Variants in BRAF observed in about 807,000 individuals in gnomAD.
BRAF encodes the protein serine/threonine-protein kinase B-raf.
A neutral mutation model predicts 104.6 loss-of-function variants in BRAF; 16 were observed. That is an observed-to-expected ratio of 0.15 (90% CI 0.10 to 0.23). BRAF has a LOEUF of 0.23. Ranked by LOEUF, BRAF falls within the 10% of genes least tolerant of loss-of-function variation. The pLI is 1.00. For synonymous variants in BRAF, 310 were observed against 341.6 expected (o/e 0.91, Z 1.02); for missense variants, 541 against 937.3 (o/e 0.58, Z 5.52).
chr7:140,899,615 T>C (rs1000765679), intron 1 of BRAF, among the ~76,000 whole-genome samples: 1 of 152,238 alleles, frequency 6.6e-6, no homozygotes, highest in Non-Finnish European at 1.5e-5. Context: ...GGTCATTTCA[T>C]ATGTTTATTA....
chr7:140,751,546 C>T (rs1474304012), intron 16 of BRAF, among the ~76,000 whole-genome samples: 5 of 151,756 alleles, frequency 3.3e-5, no homozygotes, highest in Non-Finnish European at 7.4e-5. Context: ...CTCCAGTCAC[C>T]GAATCTTAGA....
intron 15 of BRAF, chr7:140,753,787 G>A (rs1011701594): frequency 1.9e-5 from 6 of 309,720 alleles, no homozygotes; most frequent in African/African-American, 1.3e-4. Flanking sequence ...TGCACTTAGG[G>A]AAGAGAAATA....
chr7:140,739,285 A>G (rs937767095), intron 18 of BRAF, among the ~76,000 whole-genome samples: 9 of 152,310 alleles, frequency 5.9e-5, no homozygotes, highest in African/African-American at 2.2e-4. Flanking sequence ...GATGTGAGAT[A>G]TTGCAATGTG....
At chr7:140,826,845 T>C (rs1023771913) in intron 3 of BRAF, among the ~76,000 whole-genome samples, 4 of 152,206 alleles carry the variant, frequency 2.6e-5, no homozygotes, top group African/African-American at 9.7e-5. Context: ...CAATATGTAG[T>C]ATTCAATCAA....
intron 17 of BRAF, among the ~76,000 whole-genome samples, chr7:140,746,493 G>A (rs1163067944): frequency 6.6e-6 from 1 of 152,028 alleles, no homozygotes; most frequent in East Asian, 1.9e-4. Flanking sequence ...TTTTGAAGCT[G>A]GAAGAAATTC....
chr7:140,845,313 A>G (rs956135234), intron 2 of BRAF, among the ~76,000 whole-genome samples: 9 of 152,194 alleles, frequency 5.9e-5, no homozygotes, highest in Non-Finnish European at 7.3e-5. Flanking sequence ...GGATTTGGTG[A>G]TGATTTCTTG....
chr7:140,822,788 G>A (rs949754489), intron 3 of BRAF, among the ~76,000 whole-genome samples: 4 of 152,140 alleles, frequency 2.6e-5, no homozygotes, highest in African/African-American at 4.8e-5. Context: ...GGTAAATACC[G>A]AGGAGTAGAA....
chr7:140,752,008 ATG>A (rs1351558236), intron 16 of BRAF, among the ~76,000 whole-genome samples: 27 of 152,168 alleles, frequency 1.8e-4, no homozygotes, highest in Admixed American at 3.3e-4. Flanking sequence ...ATTATTGAGG[ATG>A]ATAAAGAACT....
At chr7:140,779,236 T>G (rs1800619248) in intron 12 of BRAF, among the ~76,000 whole-genome samples, 3 of 152,080 alleles carry the variant, frequency 2.0e-5, no homozygotes, top group Non-Finnish European at 4.4e-5. Flanking sequence ...ATGTTCTGTT[T>G]ATTTAATTTT....
rs1208093440 is a variant in BRAF, at chr7:140,723,682, A to G, written c.*2812T>C. 2.9e-6 allele frequency: 3 copies of G among 1,051,380 alleles called. No homozygotes were observed. The highest frequency in any genetic ancestry group is 3.4e-6 in the Non-Finnish European group (3 of 870,592). 65.1% of individuals were successfully genotyped at this position (1,051,380 alleles called of 1,614,324 possible). A position where few individuals can be genotyped will look rare whatever the true frequency, so the allele number is the denominator to read the frequency against. On this transcript the variant is annotated 3_prime_UTR_variant, in exon 20 of 20. Coordinates refer to ENST00000644969, the MANE Select transcript of BRAF (RefSeq NM_001374258.1). Reference sequence around the variant, plus strand: ...AACAATCCTCTGTAGTTGCTCTCAAATTTTTCAGAAGGCTTCACCTCTCCC... The same window carrying G: ...AACAATCCTCTGTAGTTGCTCTCAAGTTTTTCAGAAGGCTTCACCTCTCCC...
intron 14 of BRAF, among the ~76,000 whole-genome samples, chr7:140,759,155 TATG>T (rs1175992926): frequency 1.3e-5 from 2 of 152,230 alleles, no homozygotes; most frequent in Non-Finnish European, 2.9e-5. Flanking sequence ...TTGTGGCAAA[TATG>T]AAGAAGATGC....
At chr7:140,847,575 C>T (rs1046638762) in intron 2 of BRAF, among the ~76,000 whole-genome samples, 7 of 151,412 alleles carry the variant, frequency 4.6e-5, no homozygotes, top group Admixed American at 6.6e-5. Flanking sequence ...AGCAAGATTC[C>T]ATCTCAGGAG....
intron 1 of BRAF, among the ~76,000 whole-genome samples, chr7:140,880,597 T>C (rs1478319437): frequency 1.3e-5 from 2 of 152,130 alleles, no homozygotes; most frequent in Non-Finnish European, 2.9e-5. Context: ...GTTGCCCAGA[T>C]CCATCATAGG....
At chr7:140,831,654 TC>T (rs1806764733) in intron 3 of BRAF, among the ~76,000 whole-genome samples, 1 of 152,184 alleles carries the variant, frequency 6.6e-6, no homozygotes, top group Non-Finnish European at 1.5e-5. Flanking sequence ...GACTCAGGAC[TC>T]AGCAACCCAT....
At chr7:140,760,723 C>T (rs986430340) in intron 14 of BRAF, among the ~76,000 whole-genome samples, 2 of 151,276 alleles carry the variant, frequency 1.3e-5, no homozygotes, top group East Asian at 1.9e-4. Context: ...AGCCAAGGCT[C>T]GAGAACTATG....
intron 1 of BRAF, among the ~76,000 whole-genome samples, chr7:140,907,668 G>T (rs1421186256): frequency 1.3e-5 from 2 of 151,766 alleles, no homozygotes; most frequent in African/African-American, 2.4e-5. Context: ...GCTCAAGCGG[G>T]TCCCAAATTC....
intron 7 of BRAF, among the ~76,000 whole-genome samples, chr7:140,797,611 A>G (rs1363111293): frequency 6.6e-6 from 1 of 152,218 alleles, no homozygotes; most frequent in East Asian, 1.9e-4. Context: ...CAGTTCAGTT[A>G]CCAATAAAAT....
chr7:140,885,831 A>G (rs1259865615), intron 1 of BRAF, among the ~76,000 whole-genome samples: 1 of 152,230 alleles, frequency 6.6e-6, no homozygotes, highest in Non-Finnish European at 1.5e-5. Flanking sequence ...TCTGGATCCT[A>G]AACAATGAGT....
chr7:140,760,472 G>A (rs77873971), intron 14 of BRAF, among the ~76,000 whole-genome samples: 1,704 of 151,940 alleles, frequency 0.011, 38 homozygotes, highest in African/African-American at 0.039. Flanking sequence ...GCAAAAGCCT[G>A]GTTTGAGTGG....
Sources: allele counts gnomAD v4.1 joint callset (sites outside exome capture counted in the v4.1 genomes callset), GRCh38; gene constraint gnomAD v4.1.1; transcripts MANE v1.5; gene names NCBI Gene and HGNC (gene_info 2026-07-23, HGNC 2026-07-21).